REV1: variants seen among roughly 807,000 people sequenced by gnomAD.
The protein encoded by REV1 is REV1 DNA directed polymerase, also known as translesion synthesis protein REV1.
REV1 carries 42 observed loss-of-function variants against 137.4 expected under a neutral mutation model. That is an observed-to-expected ratio of 0.31 (90% CI 0.24 to 0.40). The LOEUF (loss-of-function observed/expected upper bound fraction) is 0.40. REV1 is among the 10% of genes least tolerant of loss of function. The pLI is 1.00. For synonymous variants in REV1, 524 were observed against 519.2 expected (o/e 1.01, Z -0.12); for missense variants, 1,282 against 1,490.1 (o/e 0.86, Z 2.30).
chr2:99,447,777 T>G (rs957128386), intron 4 of REV1, among the ~76,000 whole-genome samples: 1 of 151,810 alleles, frequency 6.6e-6, no homozygotes, highest in African/African-American at 2.4e-5. Context: ...GCTGGTGCAG[T>G]GGCGCCATCT....
intron 1 of REV1, among the ~76,000 whole-genome samples, chr2:99,477,157 C>T (rs1228865289): frequency 6.6e-6 from 1 of 152,154 alleles, no homozygotes; most frequent in Non-Finnish European, 1.5e-5. Context: ...AATGGAACAC[C>T]TCTCCCGCCC....
chr2:99,450,921 G>T (rs1682852088), intron 3 of REV1, among the ~76,000 whole-genome samples: 1 of 152,120 alleles, frequency 6.6e-6, no homozygotes, highest in South Asian at 2.1e-4. Context: ...CATACAAAGA[G>T]ATTTAAAAGC....
At chr2:99,447,025 T>C (rs963475801) in intron 4 of REV1, among the ~76,000 whole-genome samples, 8 of 152,106 alleles carry the variant, frequency 5.3e-5, no homozygotes, top group Non-Finnish European at 7.4e-5. Flanking sequence ...ATCAATACTA[T>C]ATCATTGATA....
At position 99,488,118 on chromosome 2, in the gene REV1, C is replaced by G. The variant is rs1271520737; in HGVS notation, c.-11+1699G>C. On this transcript the variant is annotated intron_variant, in intron 1 of 22. Coordinates refer to ENST00000258428, the MANE Select transcript of REV1 (RefSeq NM_016316.4). The stretch of plus-strand genomic sequence containing the variant: ...CTGTGAACTTCCTGTCTTTCCACTA[C>G]AGCAGCTATCAAAGAAAGTGCTTTC... 2.5e-5 allele frequency among the ~76,000 whole-genome samples: 3 copies of G among 118,750 alleles called. 1 individual carries two copies. In the Admixed American group the frequency reaches 3.2e-4, roughly 13 times the overall value. 77.9% of individuals were successfully genotyped at this position (118,750 alleles called of 152,430 possible). A position where few individuals can be genotyped will look rare whatever the true frequency, so the allele number is the denominator to read the frequency against.
Position 99,403,022 on chromosome 2 carries a change from T to C in REV1, c.3251A>G (p.Lys1084Arg). 1 of 1,614,184 alleles carries C rather than the reference T, an allele frequency of 6.2e-7. No homozygotes were observed. The highest frequency in any genetic ancestry group is 8.5e-7 in the Non-Finnish European group (1 of 1,180,004). Reference protein sequence around the residue: ...NKKKKTIGSPKRIQSPLNNKL... With the variant: ...NKKKKTIGSPRRIQSPLNNKL... ...GTTATTCAAAGGACTCTGAATCCTT[T>C]TTGGTGAACCAATGGTTTTTTTCTT... The change falls in exon 20 of 23, where the codon AAA becomes AGA. Residue 1084 changes from lysine to arginine, a missense_variant. Lys to Arg is a conservative substitution (Grantham distance 26). Around this residue, in one of 7 missense-constraint regions of REV1, gnomAD observed 170 missense variants for 156.8 expected, o/e 1.08. Coordinates refer to ENST00000258428, the MANE Select transcript of REV1 (RefSeq NM_016316.4).
intron 1 of REV1, among the ~76,000 whole-genome samples, chr2:99,465,432 T>C (rs1028477260): frequency 1.3e-5 from 2 of 152,248 alleles, no homozygotes; most frequent in Non-Finnish European, 2.9e-5. Context: ...AGTTCAGTCA[T>C]AGCCTGATTC....
Position 99,404,697 on chromosome 2 carries a change from T to A in REV1, c.2812-20A>T, listed in dbSNP as rs914209097. The stretch of plus-strand genomic sequence containing the variant: ...ATCCAGCTATAAAATGCCAAACATA[T>A]GAGTAGGAAGTTAAAGCATGCTCAG... On this transcript the variant is annotated intron_variant, in intron 17 of 22. Transcript: ENST00000258428. The A allele has an allele frequency of 6.4e-7, 1 of 1,559,096 alleles. No homozygotes were observed. Among genetic ancestry groups the A allele is most frequent in the African/African-American group, 1.4e-5 (1 of 73,348 alleles).
At chr2:99,431,017 AT>A (rs1202966028) in intron 8 of REV1, among the ~76,000 whole-genome samples, 3 of 152,098 alleles carry the variant, frequency 2.0e-5, no homozygotes, top group Non-Finnish European at 4.4e-5. Flanking sequence ...GAAACCCAGC[AT>A]TTCTCTTTTG....
chr2:99,471,009 T>A (rs1180046181), intron 1 of REV1, among the ~76,000 whole-genome samples: 5 of 152,244 alleles, frequency 3.3e-5, no homozygotes, highest in Non-Finnish European at 5.9e-5. Flanking sequence ...CTGAATGTAG[T>A]TACAAATTGA....
At position 99,402,708 on chromosome 2, in the gene REV1, T is replaced by G. The variant is rs545781521; in HGVS notation, c.3477A>C (p.Leu1159=). ...CATCATTGAATTCAACAGCTCCAGC[T>G]AGATTGGGTGCTGGAGGTCTCACAC... The part of the protein sequence containing the change: ...AGCVRPPAPN[L]AGAVEFNDVK... The change falls in exon 21 of 23, where the codon CTA becomes CTC. Residue 1159 remains leucine (L), a synonymous_variant. Transcript: ENST00000258428. 1 of 1,614,024 alleles carries G rather than the reference T, an allele frequency of 6.2e-7. No individual in the cohort carries two copies. Among genetic ancestry groups the G allele is most frequent in the African/African-American group, 1.3e-5 (1 of 75,024 alleles).
intron 8 of REV1, chr2:99,431,935 C>T (rs1020076597): frequency 1.0e-5 from 10 of 978,924 alleles, no homozygotes; most frequent in East Asian, 1.1e-4. Flanking sequence ...AGGCCAGGAC[C>T]CAAGTCTGTG....
chr2:99,483,615 CATT>C (rs1318958707), intron 1 of REV1, among the ~76,000 whole-genome samples: 1 of 152,308 alleles, frequency 6.6e-6, no homozygotes, highest in East Asian at 1.9e-4. Context: ...TTTTCAACTG[CATT>C]ATAATAGAGG....
At chr2:99,425,133 A>G (rs1374100567) in intron 9 of REV1, among the ~76,000 whole-genome samples, 2 of 152,156 alleles carry the variant, frequency 1.3e-5, no homozygotes, top group Admixed American at 6.5e-5. Flanking sequence ...TATTCTATAT[A>G]TATGTTCAAT....
intron 12 of REV1, among the ~76,000 whole-genome samples, chr2:99,416,939 A>T (rs942213820): frequency 6.6e-5 from 10 of 150,492 alleles, no homozygotes; most frequent in African/African-American, 2.0e-4. Flanking sequence ...AAAAAGAAAT[A>T]AAGTCTTTCC....
At chr2:99,484,608 CATTA>C (rs1446465635) in intron 1 of REV1, among the ~76,000 whole-genome samples, 2 of 151,132 alleles carry the variant, frequency 1.3e-5, no homozygotes, top group African/African-American at 4.9e-5. Flanking sequence ...ATGAGAAAAA[CATTA>C]ATTACGATGC....
chr2:99,423,828 A>G (rs1166828824), intron 10 of REV1, among the ~76,000 whole-genome samples: 1 of 152,258 alleles, frequency 6.6e-6, no homozygotes, highest in African/African-American at 2.4e-5. Flanking sequence ...AAACCAGGTT[A>G]AAAAATTCCA....
chr2:99,437,878 T>C (rs1481369204), intron 6 of REV1, among the ~76,000 whole-genome samples: 2 of 152,116 alleles, frequency 1.3e-5, no homozygotes, highest in Non-Finnish European at 2.9e-5. Context: ...ACACCCCACA[T>C]AGAGTCTCTA....
chr2:99,462,493 A>C lies in REV1; in HGVS notation c.181+3T>G. On this transcript the variant is annotated splice_donor_region_variant and intron_variant, in intron 3 of 22. Transcript: ENST00000258428. Reference sequence around the variant, plus strand: ...AAATAGGGTTAAGTAAAAAGTACTCAACCTGTGTATCCATTAACATAGATG... The same window carrying C: ...AAATAGGGTTAAGTAAAAAGTACTCCACCTGTGTATCCATTAACATAGATG... 1 of 1,605,344 alleles carries C rather than the reference A, an allele frequency of 6.2e-7. No homozygotes were observed.
intron 3 of REV1, 95 bp downstream of exon 3, chr2:99,462,401 T>C: frequency 8.7e-7 from 1 of 1,144,186 alleles, no homozygotes; most frequent in Admixed American, 2.4e-5. Flanking sequence ...ATCATTTGTC[T>C]ATAATAAATG....
Sources: gnomAD v4.1 joint callset for allele counts (sites outside exome capture counted in the v4.1 genomes callset) on GRCh38, gnomAD v4.1.1 for gene constraint, gnomAD v4.1.1 regional missense constraint, MANE v1.5 for transcripts, NCBI Gene and HGNC (gene_info 2026-07-23, HGNC 2026-07-21) for gene names.